The following STK32A variants were observed in gnomAD, a reference collection of about 807,000 sequenced individuals.
STK32A encodes serine/threonine kinase 32A, also known as serine/threonine-protein kinase 32A.
Under a neutral mutation model 53.2 loss-of-function variants are expected in STK32A, and 41 were observed. The ratio of observed to expected loss-of-function variants is 0.77; its 90% CI spans 0.60 to 1.00. The LOEUF (loss-of-function observed/expected upper bound fraction) is 1.00, where lower values mean the gene tolerates loss of function less well. Ranked by LOEUF, STK32A falls within the 50% of genes least tolerant of loss-of-function variation. The probability of loss-of-function intolerance (pLI) is 0.00; values close to 1 mark genes in which losing one functional copy is unlikely to be tolerated. For missense variants in STK32A, 458 were observed against 485.8 expected (o/e 0.94, Z 0.54); for synonymous variants, 166 against 162.8 (o/e 1.02, Z -0.15).
At chr5:147,328,338 C>G (rs190972310) in intron 5 of STK32A, among the ~76,000 whole-genome samples, 1 of 152,268 alleles carries the variant, frequency 6.6e-6, no homozygotes, top group East Asian at 1.9e-4. Context: ...CCACAAATCC[C>G]CATTAAGACA....
rs1186061852 is a variant in STK32A, at chr5:147,385,121, T to C, written c.*1138T>C. ...AGCTAAAATGTTGAACAAATTATAC[T>C]TGTTTTTATAGACTAGAATTACTCT... On this transcript the variant is annotated 3_prime_UTR_variant, in exon 13 of 13. Coordinates refer to ENST00000397936, the MANE Select transcript of STK32A (RefSeq NM_001112724.2). 6.6e-6 allele frequency: 1 copy of C among 152,180 alleles called. No individual in the cohort carries two copies. The highest frequency in any genetic ancestry group is 1.9e-4 in the East Asian group (1 of 5,198). 9.4% of individuals were successfully genotyped at this position (152,180 alleles called of 1,614,324 possible). A position where few individuals can be genotyped will look rare whatever the true frequency, so the allele number is the denominator to read the frequency against.
At chr5:147,287,007 A>G (rs1208674351) in intron 4 of STK32A, among the ~76,000 whole-genome samples, 1 of 152,170 alleles carries the variant, frequency 6.6e-6, no homozygotes, top group Non-Finnish European at 1.5e-5. Flanking sequence ...AACTGGCAAT[A>G]AAACTGTTGC....
At chr5:147,347,051 G>A (rs946884666) in intron 6 of STK32A, among the ~76,000 whole-genome samples, 4 of 152,174 alleles carry the variant, frequency 2.6e-5, no homozygotes, top group Non-Finnish European at 4.4e-5. Flanking sequence ...CCTAGGTAGT[G>A]CCTAAGGATA....
chr5:147,238,212 G>C (rs537575773), intron 1 of STK32A, among the ~76,000 whole-genome samples: 1 of 152,162 alleles, frequency 6.6e-6, no homozygotes, highest in African/African-American at 2.4e-5. Flanking sequence ...TGAAGATCTG[G>C]GCTCATGTTT....
the STK32A span, chr5:147,393,365 G>C: frequency 6.6e-6 from 1 of 152,278 alleles, no homozygotes; most frequent in Non-Finnish European, 1.5e-5. Flanking sequence ...GCAGGTGGAA[G>C]AAATGGTTGG....
At chr5:147,330,925 T>A (rs1342702735) in intron 5 of STK32A, among the ~76,000 whole-genome samples, 1 of 152,262 alleles carries the variant, frequency 6.6e-6, no homozygotes, top group Non-Finnish European at 1.5e-5. Flanking sequence ...TTTAGTTTAT[T>A]TCAGGCAGAG....
intron 4 of STK32A, among the ~76,000 whole-genome samples, chr5:147,292,950 C>T (rs746340913): frequency 4.6e-5 from 7 of 152,126 alleles, no homozygotes; most frequent in Admixed American, 1.3e-4. Context: ...GCAATCTTCA[C>T]GAACTGATGA....
chr5:147,364,618 G>C (rs956275682), intron 8 of STK32A, among the ~76,000 whole-genome samples: 1 of 152,164 alleles, frequency 6.6e-6, no homozygotes, highest in Non-Finnish European at 1.5e-5. Context: ...CTAGAATTCT[G>C]AGATTAACGT....
At chr5:147,235,636 A>AT (rs1339902676) in intron 1 of STK32A, among the ~76,000 whole-genome samples, 5 of 152,240 alleles carry the variant, frequency 3.3e-5, no homozygotes, top group Non-Finnish European at 7.3e-5. Flanking sequence ...GCATGCCTGT[A>AT]CCTAGATTTC....
At chr5:147,272,015 C>CG (rs1244558437) in intron 2 of STK32A, among the ~76,000 whole-genome samples, 10 of 152,116 alleles carry the variant, frequency 6.6e-5, no homozygotes, top group Non-Finnish European at 1.5e-4. Context: ...TTTTACAGCT[C>CG]GGGGGCATCA....
chr5:147,282,612 A>G (rs1315065379), intron 4 of STK32A, among the ~76,000 whole-genome samples: 2 of 152,120 alleles, frequency 1.3e-5, no homozygotes, highest in Admixed American at 1.3e-4. Context: ...TTTCATGCAA[A>G]TGGACACCAA....
chr5:147,326,623 A>C (rs1474995777), intron 5 of STK32A, among the ~76,000 whole-genome samples: 1 of 152,250 alleles, frequency 6.6e-6, no homozygotes, highest in African/African-American at 2.4e-5. Context: ...TATGAGCCAC[A>C]TGAATGAATG....
intron 2 of STK32A, among the ~76,000 whole-genome samples, chr5:147,271,400 T>C (rs905751292): frequency 2.6e-5 from 4 of 152,112 alleles, no homozygotes; most frequent in African/African-American, 7.2e-5. Context: ...ATGATTAGCA[T>C]TAACTGCACA....
chr5:147,245,811 G>A (rs1483561109), intron 2 of STK32A, among the ~76,000 whole-genome samples: 1 of 152,216 alleles, frequency 6.6e-6, no homozygotes, highest in Non-Finnish European at 1.5e-5. Context: ...TGAAAACTCA[G>A]TGTTCTACTT....
chr5:147,320,315 C>G (rs1375670593), intron 4 of STK32A, among the ~76,000 whole-genome samples: 1 of 152,102 alleles, frequency 6.6e-6, no homozygotes, highest in Non-Finnish European at 1.5e-5. Context: ...TACCATTTAC[C>G]ATGACTCCCA....
At chr5:147,285,178 A>T (rs1752268981) in intron 4 of STK32A, among the ~76,000 whole-genome samples, 1 of 152,180 alleles carries the variant, frequency 6.6e-6, no homozygotes, top group Non-Finnish European at 1.5e-5. Context: ...TCTTTGATAA[A>T]GCAAATGAAA....
chr5:147,266,414 T>C (rs187162941), intron 2 of STK32A, among the ~76,000 whole-genome samples: 2 of 152,318 alleles, frequency 1.3e-5, no homozygotes, highest in Non-Finnish European at 2.9e-5. Flanking sequence ...GATAATAGCA[T>C]GTTGGTAAGA....
intron 4 of STK32A, among the ~76,000 whole-genome samples, chr5:147,300,687 A>G (rs190206024): frequency 6.6e-6 from 1 of 152,294 alleles, no homozygotes; most frequent in Admixed American, 6.5e-5. Flanking sequence ...TATGCACTTC[A>G]GTTTCTTTGC....
intron 7 of STK32A, among the ~76,000 whole-genome samples, chr5:147,359,759 G>C (rs1344721541): frequency 6.6e-6 from 1 of 152,206 alleles, no homozygotes. Context: ...AAAGGATGCA[G>C]TGATTCATGA....
Sources: gnomAD v4.1 joint callset for allele counts (sites outside exome capture counted in the v4.1 genomes callset) on GRCh38, gnomAD v4.1.1 for gene constraint, MANE v1.5 for transcripts, NCBI Gene and HGNC (gene_info 2026-07-23, HGNC 2026-07-21) for gene names.